HELT: variants seen among roughly 807,000 people sequenced by gnomAD.
HELT encodes the protein helt bHLH transcription factor.
HELT carries 9 observed loss-of-function variants against 19.5 expected under a neutral mutation model. The ratio of observed to expected loss-of-function variants is 0.46; its 90% CI spans 0.28 to 0.80. HELT has a LOEUF of 0.80. HELT is among the 30% of genes least tolerant of loss of function. HELT has a pLI of 0.12. For missense variants in HELT, 366 were observed against 326.3 expected (o/e 1.12, Z -0.94); for synonymous variants, 162 against 148.3 (o/e 1.09, Z -0.67).
chr4:185,019,113 G>A (rs772726528), intron 1 of HELT, 158 bp downstream of exon 1: 20 of 1,590,658 alleles, frequency 1.3e-5, no homozygotes, highest in Non-Finnish European at 1.6e-5. Context: ...GGGGTAGAGA[G>A]AGGAGGGTGC....
At position 185,020,891 on chromosome 4, in the gene HELT, G is replaced by A. The variant is rs1465837889; in HGVS notation, c.*119G>A. On this transcript the variant is annotated 3_prime_UTR_variant, in exon 4 of 4. Coordinates refer to ENST00000515777, the MANE Select transcript of HELT (RefSeq NM_001300781.2). ...AAAAATCTGGGCTGGGGGAGGCAAAGAGCGAATGAGTCTTCTGAAGGATCT... is the reference window on the plus strand; with the variant it reads ...AAAAATCTGGGCTGGGGGAGGCAAAAAGCGAATGAGTCTTCTGAAGGATCT... 8.4e-6 allele frequency: 10 copies of A among 1,194,928 alleles called. No individual in the cohort carries two copies. Among genetic ancestry groups the A allele is most frequent in the Non-Finnish European group, 1.1e-5 (10 of 904,532 alleles). 74.0% of individuals were successfully genotyped at this position (1,194,928 alleles called of 1,614,324 possible).
At position 185,019,794 on chromosome 4, in the gene HELT, G is replaced by A. The variant is rs1473880432; in HGVS notation, c.180G>A (p.Gln60=). Residue 60 remains glutamine, a synonymous_variant, in exon 3 of 4, where the codon CAG becomes CAA. Transcript: ENST00000515777. ...EKAEILEMTV[Q]YLRALHSADF... ...CGGAGATCCTCGAGATGACCGTTCA[G>A]TACCTGAGAGCACTGCACTCCGCTG... 10 of 1,613,750 alleles carry A rather than the reference G, an allele frequency of 6.2e-6. No homozygotes were observed. Among genetic ancestry groups the A allele is most frequent in the African/African-American group, 4.0e-5 (3 of 74,958 alleles).
chr4:185,020,589 G>T lies in HELT; in HGVS notation c.546G>T (p.Ala182=), dbSNP rs1477636336. The T allele has an allele frequency of 1.3e-6, 2 of 1,594,538 alleles. No homozygotes were observed. Among genetic ancestry groups the T allele is most frequent in the African/African-American group, 1.3e-5 (1 of 74,686 alleles). ...GAGPFPWPPG[A]ARSPALPYLP... is the part of the protein sequence containing the mutation. ...GGCCTTTCCCCTGGCCGCCTGGCGC[G>T]GCCCGCAGCCCCGCGCTGCCCTACC... The change falls in exon 4 of 4, where the codon GCG becomes GCT. Residue 182 remains alanine (A), a synonymous_variant. Coordinates refer to ENST00000515777, the MANE Select transcript of HELT (RefSeq NM_001300781.2).
intron 2 of HELT, 77 bp downstream of exon 2, chr4:185,019,568 G>A (rs2111141107): frequency 5.2e-6 from 8 of 1,546,358 alleles, no homozygotes; most frequent in South Asian, 2.4e-5. Flanking sequence ...GCCCGAGCCC[G>A]CGGACACAGA....
chr4:185,019,882 G>C (rs1004467678), intron 3 of HELT, 39 bp downstream of exon 3: 1 of 1,566,334 alleles, frequency 6.4e-7, no homozygotes, highest in African/African-American at 1.3e-5. Context: ...TGGGCCAGGC[G>C]CCTGCGCCAC....
chr4:185,019,512 C>T, intron 2 of HELT, 21 bp downstream of exon 2: 1 of 1,589,778 alleles, frequency 6.3e-7, no homozygotes, highest in Non-Finnish European at 8.6e-7. Flanking sequence ...CGACCCGGAG[C>T]CGGGTGCCAG....
chr4:185,020,513 C>G lies in HELT; in HGVS notation c.470C>G (p.Ala157Gly). ...CTGCACCCTGCGGGGCCCGAATTCG[C>G]TGGTCACAGCCCGGGCGAGGCCGCT... ...YQLHPAGPEF[A>G]GHSPGEAAVF... The change falls in exon 4 of 4, where the codon GCT becomes GGT. Residue 157 changes from alanine to glycine, a missense_variant. Transcript: ENST00000515777. 1 of 1,611,526 alleles carries G rather than the reference C, an allele frequency of 6.2e-7. No individual in the cohort carries two copies. The highest frequency in any genetic ancestry group is 8.5e-7 in the Non-Finnish European group (1 of 1,179,838).
At chr4:185,019,245 G>A in intron 1 of HELT, 142 bp from the exon 2 acceptor site, 2 of 1,143,790 alleles carry the variant, frequency 1.7e-6, no homozygotes, top group Non-Finnish European at 2.5e-6. Flanking sequence ...TGGCCCGAGC[G>A]TGGCGGGCCA....
Position 185,020,433 on chromosome 4 carries a change from G to A in HELT, c.390G>A (p.Ala130=), listed in dbSNP as rs753795140. Residue 130 remains alanine, a synonymous_variant, in exon 4 of 4, where the codon GCG becomes GCA. Coordinates refer to ENST00000515777, the MANE Select transcript of HELT (RefSeq NM_001300781.2). ...AFLQSKARLG[A]EPAFPPLGSL... is the part of the protein sequence containing the mutation. ...TGCAGTCCAAGGCCCGCCTGGGCGC[G>A]GAGCCCGCCTTTCCGCCGCTGGGTT... 2 of 1,614,130 alleles carry A rather than the reference G, an allele frequency of 1.2e-6. No individual in the cohort carries two copies. The highest frequency in any genetic ancestry group is 1.7e-5 in the Admixed American group (1 of 60,036).
In HELT at chr4:185,020,688, G is replaced by A; in HGVS notation, c.645G>A (p.Leu215=). ...CCTTCCTGACACCGGTGCAGGGCCT[G>A]GACCGGCATTACCTCAACCTGATCG... The part of the protein sequence containing the change: ...HSPFLTPVQG[L]DRHYLNLIGH... Residue 215 remains leucine, a synonymous_variant, in exon 4 of 4, where the codon CTG becomes CTA. Transcript: ENST00000515777. 1.2e-6 allele frequency: 2 copies of A among 1,604,000 alleles called. No individual in the cohort carries two copies. The highest frequency in any genetic ancestry group is 4.5e-5 in the East Asian group (2 of 44,740).
At chr4:185,019,673 T>G in intron 2 of HELT, 74 bp from the exon 3 acceptor site, 1 of 1,610,734 alleles carries the variant, frequency 6.2e-7, no homozygotes. Context: ...GTCCGCTCGC[T>G]GGTCCTCTCC....
At position 185,019,643 on chromosome 4, in the gene HELT, T is replaced by C. The variant is rs1035342966; in HGVS notation, c.133-104T>C. 5.6e-6 allele frequency: 9 copies of C among 1,606,526 alleles called. No homozygotes were observed. In the African/African-American group the frequency reaches 1.2e-4, roughly 21 times the overall value. The stretch of plus-strand genomic sequence containing the variant: ...GCGCAGGGCGAACCTCAGGAGGCTC[T>C]GGCGCAGATCCGCAGCCGCGTCCGC... On this transcript the variant is annotated intron_variant, in intron 2 of 3. Coordinates refer to ENST00000515777, the MANE Select transcript of HELT (RefSeq NM_001300781.2).
In HELT at chr4:185,020,626, C is replaced by T; in HGVS notation, c.583C>T (p.Pro195Ser). The T allele has an allele frequency of 6.2e-7, 1 of 1,602,512 alleles. No individual in the cohort carries two copies. Among genetic ancestry groups the T allele is most frequent in the Non-Finnish European group, 8.5e-7 (1 of 1,178,786 alleles). Reference sequence around the variant, plus strand: ...CGCGCTGCCCTACCTGCCCAGCGCGCCAGTGCCGCTCGCTAGCCCAGCGCA... The same window carrying T: ...CGCGCTGCCCTACCTGCCCAGCGCGTCAGTGCCGCTCGCTAGCCCAGCGCA... Reference protein sequence around the residue: ...SPALPYLPSAPVPLASPAQQH... With the variant: ...SPALPYLPSASVPLASPAQQH... The change falls in exon 4 of 4, where the codon CCA becomes TCA. Residue 195 changes from proline (P) to serine (S), a missense_variant. Transcript: ENST00000515777.
rs368012171 is a variant in HELT, at chr4:185,020,400, C to A, written c.357C>A (p.Leu119=). ...AGGACACGAAGTACGCGCGCATCCT[C>A]GCCTTCTTGCAGTCCAAGGCCCGCC... is the stretch of plus-strand genomic sequence containing the variant. ...ETKDTKYARI[L]AFLQSKARLG... Residue 119 remains leucine, a synonymous_variant, in exon 4 of 4, where the codon CTC becomes CTA. Coordinates refer to ENST00000515777, the MANE Select transcript of HELT (RefSeq NM_001300781.2). 5 of 1,614,212 alleles carry A rather than the reference C, an allele frequency of 3.1e-6. No homozygotes were observed. In the South Asian group the frequency reaches 5.5e-5, roughly 18 times the overall value.
Position 185,020,267 on chromosome 4 carries a change from C to T in HELT, c.230-6C>T. On this transcript the variant is annotated splice_region_variant and splice_polypyrimidine_tract_variant and intron_variant, in intron 3 of 3. Transcript: ENST00000515777. ...GTCCGTCCTACGGGCTTTCTCGTTC[C>T]TCCAGCAGAACTTCTAGCGGAGTTT... The T allele has an allele frequency of 6.2e-7, 1 of 1,611,190 alleles. No individual in the cohort carries two copies. Among genetic ancestry groups the T allele is most frequent in the Non-Finnish European group, 8.5e-7 (1 of 1,177,896 alleles).
At position 185,018,909 on chromosome 4, in the gene HELT, G is replaced by T. The variant is rs200226120; in HGVS notation, c.-20G>T. 6.0e-4 allele frequency: 934 copies of T among 1,562,666 alleles called. 2 individuals are homozygous for T. The highest frequency in any genetic ancestry group is 7.8e-4 in the Admixed American group (43 of 54,964). On this transcript the variant is annotated 5_prime_UTR_variant, in exon 1 of 4. Transcript: ENST00000515777. The stretch of plus-strand genomic sequence containing the variant: ...GGTGCCCCGCGCCACCGCCTCTCCC[G>T]AGGGCGCGTACTGACCAGGATGTCA...
At chr4:185,019,239 C>T in intron 1 of HELT, 148 bp from the exon 2 acceptor site, 3 of 1,171,974 alleles carry the variant, frequency 2.6e-6, no homozygotes, top group Non-Finnish European at 3.6e-6. Flanking sequence ...CTCACCTGGC[C>T]CGAGCGTGGC....
At position 185,020,835 on chromosome 4, in the gene HELT, T is replaced by C; in HGVS notation, c.*63T>C. On this transcript the variant is annotated 3_prime_UTR_variant, in exon 4 of 4. Transcript: ENST00000515777. ...GCTTTTAGGAGAAATGCTGTATATA[T>C]TGTACACATAATGTGTAAATATTGT... 2.0e-6 allele frequency: 3 copies of C among 1,470,560 alleles called. No homozygotes were observed. The highest frequency in any genetic ancestry group is 2.7e-6 in the Non-Finnish European group (3 of 1,117,808). The allele number at this position is 1,470,560 out of a possible 1,614,324, so 91.1% of individuals were successfully genotyped here. A position where few individuals can be genotyped will look rare whatever the true frequency, so the allele number is the denominator to read the frequency against.
At chr4:185,019,517 T>C (rs546678855) in intron 2 of HELT, 26 bp downstream of exon 2, 1 of 1,582,182 alleles carries the variant, frequency 6.3e-7, no homozygotes. Flanking sequence ...CGGAGCCGGG[T>C]GCCAGGCGTT....
Sources: allele counts gnomAD v4.1 joint callset, GRCh38; gene constraint gnomAD v4.1.1; transcripts MANE v1.5; gene names NCBI Gene and HGNC (gene_info 2026-07-23, HGNC 2026-07-21).